Variants in LHFPL3 observed in about 807,000 individuals in gnomAD.
The protein encoded by LHFPL3 is LHFPL tetraspan subfamily member 3 protein.
LHFPL3 carries 5 observed loss-of-function variants against 19.3 expected under a neutral mutation model. That is an observed-to-expected ratio of 0.26 (90% CI 0.14 to 0.54). LHFPL3 has a LOEUF of 0.54. Among genes scored for constraint, LHFPL3 ranks in the 20% least tolerant of loss-of-function variants. The probability of loss-of-function intolerance (pLI) is 0.94; values close to 1 mark genes in which losing one functional copy is unlikely to be tolerated. For missense variants in LHFPL3, 249 were observed against 307.4 expected, an observed-to-expected ratio of 0.81 and a Z score of 1.42; for synonymous variants, 133 against 126.2, an observed-to-expected ratio of 1.05 and a Z score of -0.36.
At chr7:104,657,531 G>A (rs954871504) in intron 1 of LHFPL3, among the ~76,000 whole-genome samples, 4 of 152,244 alleles carry the variant, frequency 2.6e-5, no homozygotes, top group African/African-American at 9.6e-5. Context: ...TGTAGAGATT[G>A]AATCCTCACA....
intron 2 of LHFPL3, among the ~76,000 whole-genome samples, chr7:104,842,399 G>A (rs554580460): frequency 6.6e-6 from 1 of 152,114 alleles, no homozygotes; most frequent in African/African-American, 2.4e-5. Context: ...AGGGGACTGG[G>A]CCCTGGAGCC....
chr7:104,715,951 A>G (rs1406866780), intron 1 of LHFPL3, among the ~76,000 whole-genome samples: 2 of 152,146 alleles, frequency 1.3e-5, no homozygotes, highest in Non-Finnish European at 2.9e-5. Context: ...TTTTTGGATA[A>G]GTTTGAGAAG....
At chr7:104,583,537 G>C (rs1017209791) in intron 1 of LHFPL3, among the ~76,000 whole-genome samples, 2 of 152,030 alleles carry the variant, frequency 1.3e-5, no homozygotes, top group Non-Finnish European at 2.9e-5. Context: ...TACAGAATGG[G>C]GTAAAATTTT....
intron 2 of LHFPL3, among the ~76,000 whole-genome samples, chr7:104,849,639 G>C (rs1791378119): frequency 6.6e-6 from 1 of 152,280 alleles, no homozygotes; most frequent in Non-Finnish European, 1.5e-5. Context: ...TTTTTATGCA[G>C]AGGTTCAACA....
chr7:104,484,639 A>C (rs140910104), intron 1 of LHFPL3, among the ~76,000 whole-genome samples: 2,069 of 152,308 alleles, frequency 0.014, 20 homozygotes, highest in Middle Eastern at 0.051. Context: ...AGAATACCTG[A>C]GACTGGGTAA....
intron 1 of LHFPL3, among the ~76,000 whole-genome samples, chr7:104,338,186 C>T (rs1341026103): frequency 6.7e-6 from 1 of 149,836 alleles, no homozygotes; most frequent in Non-Finnish European, 1.5e-5. Flanking sequence ...GCAAGCTCCG[C>T]CTTCTGGGTT....
intron 1 of LHFPL3, among the ~76,000 whole-genome samples, chr7:104,676,983 C>T (rs1488732270): frequency 6.6e-6 from 1 of 152,126 alleles, no homozygotes; most frequent in East Asian, 1.9e-4. Flanking sequence ...AAGCTGGGAA[C>T]AACATAAACA....
intron 2 of LHFPL3, among the ~76,000 whole-genome samples, chr7:104,880,733 A>G (rs983658620): frequency 1.3e-5 from 2 of 152,196 alleles, no homozygotes; most frequent in Non-Finnish European, 2.9e-5. Flanking sequence ...TTCATTGACA[A>G]TGCAGCTGGT....
At chr7:104,816,899 G>A (rs1403674461) in intron 2 of LHFPL3, among the ~76,000 whole-genome samples, 1 of 152,198 alleles carries the variant, frequency 6.6e-6, no homozygotes, top group East Asian at 1.9e-4. Flanking sequence ...TGAACCTTGT[G>A]TCTTCTGGGT....
At chr7:104,641,882 A>G (rs978428272) in intron 1 of LHFPL3, among the ~76,000 whole-genome samples, 30 of 152,162 alleles carry the variant, frequency 2.0e-4, no homozygotes, top group African/African-American at 6.5e-4. Context: ...GAAGAAAATG[A>G]CTTTTCATGG....
At chr7:104,579,962 A>G (rs1421547168) in intron 1 of LHFPL3, among the ~76,000 whole-genome samples, 1 of 152,092 alleles carries the variant, frequency 6.6e-6, no homozygotes, top group Non-Finnish European at 1.5e-5. Context: ...AGACTTACAA[A>G]CTCAAAATTT....
At chr7:104,391,623 C>A (rs1044910945) in intron 1 of LHFPL3, among the ~76,000 whole-genome samples, 12 of 152,176 alleles carry the variant, frequency 7.9e-5, no homozygotes, top group Admixed American at 7.9e-4. Context: ...TAGTGTGACG[C>A]CTCTAGCTTT....
intron 1 of LHFPL3, among the ~76,000 whole-genome samples, chr7:104,629,884 G>C (rs1791610527): frequency 6.6e-6 from 1 of 152,060 alleles, no homozygotes. Context: ...CCAACCATGT[G>C]CATTTTTTAA....
chr7:104,481,322 C>T (rs1022743578), intron 1 of LHFPL3, among the ~76,000 whole-genome samples: 6 of 152,168 alleles, frequency 3.9e-5, no homozygotes, highest in African/African-American at 1.2e-4. Flanking sequence ...CTCTTCAAGT[C>T]ACTTCCTACT....
intron 2 of LHFPL3, among the ~76,000 whole-genome samples, chr7:104,884,602 C>T: frequency 6.6e-6 from 1 of 152,112 alleles, no homozygotes; most frequent in East Asian, 1.9e-4. Context: ...CTGATCTCAA[C>T]CAGCTGTTAG....
chr7:104,729,987 C>A (rs969362602), intron 1 of LHFPL3, among the ~76,000 whole-genome samples: 1 of 151,232 alleles, frequency 6.6e-6, no homozygotes, highest in Non-Finnish European at 1.5e-5. Flanking sequence ...TGAGTGAGAA[C>A]ATGCAGTGTT....
chr7:104,437,262 A>C (rs1167423182), intron 1 of LHFPL3, among the ~76,000 whole-genome samples: 1 of 152,246 alleles, frequency 6.6e-6, no homozygotes, highest in Non-Finnish European at 1.5e-5. Flanking sequence ...TGGAGATTCT[A>C]CCAGGTTCTA....
At chr7:104,483,448 T>C (rs1793176134) in intron 1 of LHFPL3, among the ~76,000 whole-genome samples, 1 of 152,244 alleles carries the variant, frequency 6.6e-6, no homozygotes, top group African/African-American at 2.4e-5. Context: ...CTATGGACTT[T>C]TAAAACTACA....
chr7:104,639,520 A>AT (rs1278810286), intron 1 of LHFPL3, among the ~76,000 whole-genome samples: 3 of 152,058 alleles, frequency 2.0e-5, no homozygotes, highest in Non-Finnish European at 4.4e-5. Context: ...AAAAAATGCC[A>AT]TTTTTTAATT....
Sources: gnomAD v4.1 joint callset for allele counts (sites outside exome capture counted in the v4.1 genomes callset) on GRCh38, gnomAD v4.1.1 for gene constraint, MANE v1.5 for transcripts, NCBI Gene and HGNC (gene_info 2026-07-23, HGNC 2026-07-21) for gene names.